Variants in MSR1 observed in about 807,000 individuals in gnomAD.
MSR1 encodes macrophage scavenger receptor types I and II.
Under a neutral mutation model 47.2 loss-of-function variants are expected in MSR1, and 53 were observed. The ratio of observed to expected loss-of-function variants is 1.12; its 90% CI spans 0.90 to 1.41. The LOEUF is 1.41. MSR1 is among the 40% of genes most tolerant of loss of function. MSR1 has a pLI of 0.00. For synonymous variants in MSR1, 239 were observed against 185.6 expected (o/e 1.29, Z -2.34); for missense variants, 786 against 546.9 (o/e 1.44, Z -4.36).
At chr8:16,175,744 T>C (rs1490483050) in intron 2 of MSR1, among the ~76,000 whole-genome samples, 1 of 152,246 alleles carries the variant, frequency 6.6e-6, no homozygotes, top group Non-Finnish European at 1.5e-5. Flanking sequence ...ATGACTATGA[T>C]GTTAAAATAA....
intron 8 of MSR1, among the ~76,000 whole-genome samples, chr8:16,130,189 C>T (rs192211024): frequency 4.6e-5 from 7 of 152,242 alleles, no homozygotes; most frequent in South Asian, 4.1e-4. Flanking sequence ...CTATTTCAAA[C>T]GACACAACAT....
chr8:16,140,802 G>T, intron 8 of MSR1: 2 of 1,507,698 alleles, frequency 1.3e-6, no homozygotes, highest in South Asian at 1.3e-5. Flanking sequence ...GAAGAGGTAT[G>T]AGCATGGGAG....
At chr8:16,151,167 G>A (rs1800848096) in intron 6 of MSR1, among the ~76,000 whole-genome samples, 2 of 152,032 alleles carry the variant, frequency 1.3e-5, no homozygotes, top group Admixed American at 6.6e-5. Context: ...TTGATCCCAT[G>A]GCAGAGAATG....
chr8:16,120,790 CA>C, intron 8 of MSR1, 184 bp from the exon 9 acceptor site: 5 of 754,574 alleles, frequency 6.6e-6, no homozygotes, highest in Non-Finnish European at 1.0e-5. Context: ...AGTTTAACTG[CA>C]AATATTGCAG....
chr8:16,140,291 G>T lies in MSR1; in HGVS notation c.1033+3267C>A, dbSNP rs1325306896. On this transcript the variant is annotated intron_variant, in intron 8 of 9. Transcript: ENST00000262101. ...GCTCTGTCTCTTAAAACAAGAAAAA[G>T]AAAAAAAAAAAGCCCTTGACTCAGT... 8 of 730,484 alleles carry T rather than the reference G, an allele frequency of 1.1e-5. No homozygotes were observed. In the South Asian group the frequency reaches 3.8e-4, roughly 35 times the overall value. 45.3% of individuals were successfully genotyped at this position (730,484 alleles called of 1,614,324 possible).
At chr8:16,141,177 A>C (rs556150482) in intron 8 of MSR1, 2 of 953,568 alleles carry the variant, frequency 2.1e-6, no homozygotes. Context: ...AGATGTGGGG[A>C]ATCAGGCACT....
At chr8:16,112,801 A>G (rs1799787503) in intron 9 of MSR1, among the ~76,000 whole-genome samples, 1 of 151,652 alleles carries the variant, frequency 6.6e-6, no homozygotes, top group Non-Finnish European at 1.5e-5. Flanking sequence ...TGTTTCTTAG[A>G]TATGTTTTTA....
chr8:16,127,266 A>G (rs1800151686), intron 8 of MSR1, among the ~76,000 whole-genome samples: 1 of 152,114 alleles, frequency 6.6e-6, no homozygotes, highest in Admixed American at 6.6e-5. Context: ...TGTTCACCAT[A>G]TCCTGAGCCC....
intron 8 of MSR1, among the ~76,000 whole-genome samples, chr8:16,134,616 C>T (rs62489579): frequency 0.13 from 19,783 of 152,096 alleles, 1,530 homozygotes; most frequent in African/African-American, 0.21. Context: ...ACCTTAACAA[C>T]GGCCTCTAAG....
At chr8:16,171,021 C>T (rs113293796) in intron 3 of MSR1, among the ~76,000 whole-genome samples, 152 of 151,662 alleles carry the variant, frequency 1.0e-3, no homozygotes, top group African/African-American at 3.1e-3. Context: ...GTCAGGAGTT[C>T]GAGACCAGCC....
chr8:16,117,268 G>A (rs989041187), intron 9 of MSR1, among the ~76,000 whole-genome samples: 27 of 152,274 alleles, frequency 1.8e-4, no homozygotes, highest in Middle Eastern at 3.4e-3. Context: ...AATTACACAT[G>A]TGAGGGATCT....
chr8:16,140,259 GA>G, intron 8 of MSR1: 2 of 982,168 alleles, frequency 2.0e-6, no homozygotes, highest in Non-Finnish European at 2.4e-6. Context: ...CTGTGCAATA[GA>G]ACAAGGCTCT....
At chr8:16,170,381 AGAAT>A (rs1801449109) in intron 3 of MSR1, among the ~76,000 whole-genome samples, 1 of 151,938 alleles carries the variant, frequency 6.6e-6, no homozygotes, top group African/African-American at 2.4e-5. Context: ...ATAATTATAG[AGAAT>A]GAGGAAAATG....
intron 1 of MSR1, among the ~76,000 whole-genome samples, chr8:16,189,276 A>T (rs117118392): frequency 0.22 from 28,247 of 127,812 alleles, 5,278 homozygotes; most frequent in East Asian, 0.54. Context: ...TTATATTTCA[A>T]ATATATAAAA....
chr8:16,162,587 A>G (rs1190548489), intron 5 of MSR1, among the ~76,000 whole-genome samples: 1 of 152,044 alleles, frequency 6.6e-6, no homozygotes, highest in Non-Finnish European at 1.5e-5. Context: ...TTATTAACAA[A>G]AGCAGGAAAA....
At chr8:16,146,388 T>C (rs1433706728) in intron 7 of MSR1, among the ~76,000 whole-genome samples, 2 of 151,900 alleles carry the variant, frequency 1.3e-5, no homozygotes, top group Non-Finnish European at 2.9e-5. Context: ...AAAAACCATA[T>C]GAAACAAACA....
chr8:16,174,566 T>A (rs573978019), intron 3 of MSR1, among the ~76,000 whole-genome samples: 1 of 152,300 alleles, frequency 6.6e-6, no homozygotes, highest in Admixed American at 6.5e-5. Flanking sequence ...TGAGCCCAAG[T>A]ATCACGTTGT....
At chr8:16,130,269 A>C (rs943606858) in intron 8 of MSR1, among the ~76,000 whole-genome samples, 1 of 152,098 alleles carries the variant, frequency 6.6e-6, no homozygotes, top group Non-Finnish European at 1.5e-5. Context: ...TTACAGATTG[A>C]AAATTTGTGG....
In MSR1 at chr8:16,117,197, G is replaced by A. The variant is rs374821136; in HGVS notation, c.1222+3221C>T. On this transcript the variant is annotated intron_variant, in intron 9 of 9. Coordinates refer to ENST00000262101, the MANE Select transcript of MSR1 (RefSeq NM_138715.3). ...CTATCACTCACATTACCGCCTGAGTGCCACCTCCTGTCAGATCAGTGGCAG... is the reference window on the plus strand; with the variant it reads ...CTATCACTCACATTACCGCCTGAGTACCACCTCCTGTCAGATCAGTGGCAG... Among the ~76,000 whole-genome samples the A allele has an allele frequency of 4.3e-4, 66 of 152,230 alleles. 1 individual carries two copies. Among genetic ancestry groups the A allele is most frequent in the African/African-American group, 1.6e-3 (65 of 41,552 alleles).
Sources: allele counts gnomAD v4.1 joint callset (sites outside exome capture counted in the v4.1 genomes callset), GRCh38; gene constraint gnomAD v4.1.1; transcripts MANE v1.5; gene names NCBI Gene and HGNC (gene_info 2026-07-23, HGNC 2026-07-21).